HS6ST3: variants seen among roughly 807,000 people sequenced by gnomAD.
HS6ST3 encodes heparan sulfate 6-O-sulfotransferase 3.
Under a neutral mutation model 36.7 loss-of-function variants are expected in HS6ST3, and 12 were observed. The observed-to-expected ratio is 0.33, with a 90% CI of 0.21 to 0.53. The LOEUF (loss-of-function observed/expected upper bound fraction) is 0.53, where lower values mean the gene tolerates loss of function less well. HS6ST3 is among the 20% of genes least tolerant of loss of function. The pLI is 0.95. For missense variants in HS6ST3, 584 were observed against 640.9 expected (o/e 0.91, Z 0.96); for synonymous variants, 240 against 257.5 (o/e 0.93, Z 0.65).
intron 1 of HS6ST3, among the ~76,000 whole-genome samples, chr13:96,818,747 T>C (rs1306730647): frequency 6.6e-6 from 1 of 152,240 alleles, no homozygotes; most frequent in Non-Finnish European, 1.5e-5. Flanking sequence ...GCAACCACTT[T>C]ACTCTTTAGA....
intron 1 of HS6ST3, among the ~76,000 whole-genome samples, chr13:96,777,244 G>A (rs541172584): frequency 2.6e-5 from 4 of 152,222 alleles, no homozygotes; most frequent in South Asian, 2.1e-4. Flanking sequence ...CATACTGAAG[G>A]GGCAAAAGCT....
rs207474288 is a variant in HS6ST3 at position 96,667,561 on chromosome 13, G to A, written c.708-164929G>A. On this transcript the variant is annotated intron_variant, in intron 1 of 1. Transcript: ENST00000376705. Reference sequence around the variant, plus strand: ...ATATTATTTAGCCTTCCACCAGAACGATAATGACTCGTAAATGTAAATTTC... The same window carrying A: ...ATATTATTTAGCCTTCCACCAGAACAATAATGACTCGTAAATGTAAATTTC... Among the ~76,000 whole-genome samples, 18 of 152,170 alleles carry A rather than the reference G, an allele frequency of 1.2e-4. 1 individual carries two copies. The highest frequency in any genetic ancestry group is 5.9e-4 in the Admixed American group (9 of 15,270).
At chr13:96,638,466 T>C (rs2056557436) in intron 1 of HS6ST3, among the ~76,000 whole-genome samples, 2 of 152,022 alleles carry the variant, frequency 1.3e-5, no homozygotes, top group South Asian at 4.1e-4. Context: ...TGGCTGTGTT[T>C]CCACCCAGAT....
At chr13:96,725,948 C>T (rs993276134) in intron 1 of HS6ST3, among the ~76,000 whole-genome samples, 8 of 152,172 alleles carry the variant, frequency 5.3e-5, no homozygotes, top group Middle Eastern at 3.4e-3. Context: ...AGTGATTCTC[C>T]GGCTTCAGCC....
chr13:96,681,792 G>A (rs2056719185), intron 1 of HS6ST3, among the ~76,000 whole-genome samples: 3 of 152,064 alleles, frequency 2.0e-5, no homozygotes, highest in Admixed American at 2.0e-4. Flanking sequence ...ACTAAGTCTG[G>A]ATTTGCTGAA....
intron 1 of HS6ST3, among the ~76,000 whole-genome samples, chr13:96,447,843 A>G (rs898211889): frequency 6.6e-6 from 1 of 152,108 alleles, no homozygotes; most frequent in African/African-American, 2.4e-5. Context: ...GTCTCTGTAC[A>G]GGGAGCTTCT....
intron 1 of HS6ST3, among the ~76,000 whole-genome samples, chr13:96,185,554 G>C (rs905087065): frequency 6.6e-6 from 1 of 152,144 alleles, no homozygotes; most frequent in Non-Finnish European, 1.5e-5. Flanking sequence ...CAAACATTCT[G>C]AAGTGCTATG....
rs563203811 is a variant in HS6ST3, at chr13:96,158,922, G to A, written c.707+67353G>A. ...GTCCTTTGTGATGATGACTGAGCAG[G>A]AGGTCTGGGGGCAAGGACACATAGG... On this transcript the variant is annotated intron_variant, in intron 1 of 1. Transcript: ENST00000376705. 3.3e-5 allele frequency among the ~76,000 whole-genome samples: 5 copies of A among 152,250 alleles called. No individual in the cohort carries two copies. In the South Asian group the frequency reaches 1.0e-3, roughly 32 times the overall value.
chr13:96,720,001 TTGCAGGG>T (rs1371924382), intron 1 of HS6ST3, among the ~76,000 whole-genome samples: 2 of 152,148 alleles, frequency 1.3e-5, no homozygotes, highest in Non-Finnish European at 2.9e-5. Context: ...GGCTAACAAA[TTGCAGGG>T]TGCATATATC....
intron 1 of HS6ST3, among the ~76,000 whole-genome samples, chr13:96,818,908 A>G (rs751312381): frequency 1.4e-4 from 21 of 152,238 alleles, no homozygotes; most frequent in Non-Finnish European, 2.5e-4. Flanking sequence ...ATAAACTCCC[A>G]CTAGCCAAAA....
intron 1 of HS6ST3, among the ~76,000 whole-genome samples, chr13:96,481,558 C>T (rs978846368): frequency 1.3e-5 from 2 of 152,216 alleles, no homozygotes; most frequent in Admixed American, 6.5e-5. Flanking sequence ...ATAACACTAG[C>T]AGTTACACAG....
At position 96,401,284 on chromosome 13, in the gene HS6ST3, T is replaced by C. The variant is rs531082566; in HGVS notation, c.707+309715T>C. 1.1e-3 allele frequency among the ~76,000 whole-genome samples: 169 copies of C among 152,216 alleles called. 1 individual carries two copies. Among genetic ancestry groups the C allele is most frequent in the African/African-American group, 3.9e-3 (164 of 41,536 alleles). The stretch of plus-strand genomic sequence containing the variant: ...CTCATAGGGGACATTTGAAACTGTG[T>C]CCAGCCCTCTACACCCTTCAAGTTG... On this transcript the variant is annotated intron_variant, in intron 1 of 1. Coordinates refer to ENST00000376705, the MANE Select transcript of HS6ST3 (RefSeq NM_153456.4).
chr13:96,629,081 C>T (rs1434698451), intron 1 of HS6ST3, among the ~76,000 whole-genome samples: 1 of 152,008 alleles, frequency 6.6e-6, no homozygotes, highest in Non-Finnish European at 1.5e-5. Context: ...GAAGTTTATT[C>T]TCTATGCTTA....
At chr13:96,557,487 C>G (rs1029009417) in intron 1 of HS6ST3, among the ~76,000 whole-genome samples, 1 of 152,208 alleles carries the variant, frequency 6.6e-6, no homozygotes, top group African/African-American at 2.4e-5. Context: ...CCTTCCTGAT[C>G]TTTCAATGAA....
At chr13:96,702,408 A>G (rs902560347) in intron 1 of HS6ST3, among the ~76,000 whole-genome samples, 1 of 152,178 alleles carries the variant, frequency 6.6e-6, no homozygotes, top group Non-Finnish European at 1.5e-5. Flanking sequence ...CAATCTTTCT[A>G]TGTAGTACAG....
At chr13:96,121,856 C>T (rs1256949994) in intron 1 of HS6ST3, among the ~76,000 whole-genome samples, 2 of 152,112 alleles carry the variant, frequency 1.3e-5, no homozygotes, top group Non-Finnish European at 2.9e-5. Context: ...ATGTTGGTTA[C>T]TAATTATTGC....
intron 1 of HS6ST3, among the ~76,000 whole-genome samples, chr13:96,804,346 AGAG>A (rs1878149465): frequency 6.6e-6 from 1 of 152,090 alleles, no homozygotes; most frequent in East Asian, 1.9e-4. Context: ...TGTGGTATAA[AGAG>A]GAGGAGGGAG....
At chr13:96,239,388 G>T (rs954131557) in intron 1 of HS6ST3, among the ~76,000 whole-genome samples, 1 of 152,148 alleles carries the variant, frequency 6.6e-6, no homozygotes, top group African/African-American at 2.4e-5. Context: ...CTCTATAAAT[G>T]AAATCAATCA....
At chr13:96,299,200 C>T (rs2054869795) in intron 1 of HS6ST3, among the ~76,000 whole-genome samples, 1 of 152,076 alleles carries the variant, frequency 6.6e-6, no homozygotes, top group Admixed American at 6.6e-5. Context: ...GTTGCAGTAA[C>T]CAAATAAAGC....
Sources: allele counts gnomAD v4.1 joint callset (sites outside exome capture counted in the v4.1 genomes callset), GRCh38; gene constraint gnomAD v4.1.1; transcripts MANE v1.5; gene names NCBI Gene and HGNC (gene_info 2026-07-23, HGNC 2026-07-21).